The following CCDC195 variants were observed in gnomAD, a reference collection of about 807,000 sequenced individuals.
CCDC195 encodes the protein coiled-coil domain containing 195.
At chr2:224,710,832 G>A (rs979032673) in intron 1 of CCDC195, among the ~76,000 whole-genome samples, 1 of 152,132 alleles carries the variant, frequency 6.6e-6, no homozygotes, top group Non-Finnish European at 1.5e-5. Context: ...ATACATTCTA[G>A]GAAGGCAAAT....
intron 2 of CCDC195, among the ~76,000 whole-genome samples, chr2:224,705,173 C>T (rs1574755030): frequency 6.6e-6 from 1 of 152,200 alleles, no homozygotes; most frequent in South Asian, 2.1e-4. Context: ...GAATTTTGGC[C>T]ATCTGATTCT....
At chr2:224,709,031 C>T (rs1232353654) in intron 2 of CCDC195, among the ~76,000 whole-genome samples, 1 of 151,590 alleles carries the variant, frequency 6.6e-6, no homozygotes, top group Non-Finnish European at 1.5e-5. Context: ...CAAGTTTCCT[C>T]TAACAGACCC....
At chr2:224,709,508 T>TAACG (rs1689282937) in intron 2 of CCDC195, among the ~76,000 whole-genome samples, 1 of 152,238 alleles carries the variant, frequency 6.6e-6, no homozygotes. Context: ...CAATTTCCCC[T>TAACG]AACGCCCACT....
intron 2 of CCDC195, among the ~76,000 whole-genome samples, chr2:224,708,940 G>C (rs2124850044): frequency 6.6e-6 from 1 of 152,248 alleles, no homozygotes; most frequent in Middle Eastern, 3.4e-3. Flanking sequence ...AGAGGGGGCA[G>C]TGCATGCTCC....
chr2:224,710,593 A>G (rs1244923300), intron 1 of CCDC195, among the ~76,000 whole-genome samples: 2 of 152,210 alleles, frequency 1.3e-5, no homozygotes, highest in African/African-American at 4.8e-5. Context: ...AGCCAAGATC[A>G]TGCCACTGCA....
At chr2:224,714,074 A>G (rs1015560858) in intron 1 of CCDC195, among the ~76,000 whole-genome samples, 1 of 152,052 alleles carries the variant, frequency 6.6e-6, no homozygotes, top group African/African-American at 2.4e-5. Flanking sequence ...TCCTGTCCTT[A>G]AGTGATCCTC....
intron 2 of CCDC195, among the ~76,000 whole-genome samples, chr2:224,705,727 C>G (rs1315680927): frequency 6.6e-6 from 1 of 152,158 alleles, no homozygotes; most frequent in Non-Finnish European, 1.5e-5. Flanking sequence ...AATTCCTACT[C>G]AATAGTTCTA....
intron 1 of CCDC195, among the ~76,000 whole-genome samples, chr2:224,711,234 G>A (rs1032617958): frequency 3.3e-5 from 5 of 152,166 alleles, no homozygotes; most frequent in Admixed American, 6.5e-5. Context: ...GCATGGTGTG[G>A]GAAATTGGAG....
At chr2:224,711,026 G>C (rs193149463) in intron 1 of CCDC195, among the ~76,000 whole-genome samples, 1 of 152,300 alleles carries the variant, frequency 6.6e-6, no homozygotes, top group East Asian at 1.9e-4. Flanking sequence ...GCCAATTCTT[G>C]ATGGCCTTCT....
At chr2:224,707,948 C>G (rs1046292100) in intron 2 of CCDC195, among the ~76,000 whole-genome samples, 3 of 146,522 alleles carry the variant, frequency 2.0e-5, no homozygotes, top group African/African-American at 7.7e-5. Flanking sequence ...TTCTTTTCTT[C>G]TCTTTACCTC....
intron 1 of CCDC195, among the ~76,000 whole-genome samples, chr2:224,710,893 G>A (rs1689312294): frequency 6.6e-6 from 1 of 152,172 alleles, no homozygotes; most frequent in Non-Finnish European, 1.5e-5. Context: ...GGTGTTCGGA[G>A]GCTATTTCAA....
intron 1 of CCDC195, among the ~76,000 whole-genome samples, chr2:224,710,627 AAAC>A (rs1689307640): frequency 6.6e-6 from 1 of 152,210 alleles, no homozygotes; most frequent in Non-Finnish European, 1.5e-5. Context: ...GACAAGAGGG[AAAC>A]TTCGTCTCAA....
rs114524621 is a variant in CCDC195, at chr2:224,710,368, C to T, written c.236-149G>A. The T allele has an allele frequency of 6.0e-3, 2,321 of 389,514 alleles. 44 individuals carry two copies. The highest frequency in any genetic ancestry group is 0.044 in the African/African-American group (2,114 of 48,508). The allele number at this position is 389,514 out of a possible 1,614,324, so 24.1% of individuals were successfully genotyped here. ...CATAAAAGATATCCATTTGGCCTGG[C>T]GCGGTGGCTCACACCTGTAATCCCA... is the stretch of plus-strand genomic sequence containing the variant. On this transcript the variant is annotated intron_variant, in intron 1 of 2. Transcript: ENST00000638102.
chr2:224,712,017 G>A (rs934178169), intron 1 of CCDC195, among the ~76,000 whole-genome samples: 6 of 152,148 alleles, frequency 3.9e-5, no homozygotes, highest in Non-Finnish European at 5.9e-5. Context: ...ACAATCCCTT[G>A]ATACTGAATC....
intron 1 of CCDC195, among the ~76,000 whole-genome samples, chr2:224,714,883 G>A (rs1011854468): frequency 1.3e-4 from 20 of 152,034 alleles, no homozygotes; most frequent in African/African-American, 4.3e-4. Context: ...GAACCAACCG[G>A]CAAATATGAC....
At chr2:224,708,564 A>G (rs1689258865) in intron 2 of CCDC195, among the ~76,000 whole-genome samples, 1 of 152,174 alleles carries the variant, frequency 6.6e-6, no homozygotes, top group Non-Finnish European at 1.5e-5. Flanking sequence ...ACCTTCTGCA[A>G]GGGAAACACA....
At chr2:224,711,040 T>A (rs1319837303) in intron 1 of CCDC195, among the ~76,000 whole-genome samples, 1 of 152,204 alleles carries the variant, frequency 6.6e-6, no homozygotes, top group Non-Finnish European at 1.5e-5. Context: ...GCCTTCTTAC[T>A]CCTGATTCTA....
chr2:224,706,189 C>CTTT (rs201012911), intron 2 of CCDC195, among the ~76,000 whole-genome samples: 866 of 33,356 alleles, frequency 0.026, 323 homozygotes, highest in East Asian at 0.06. Flanking sequence ...TATTTTGTAA[C>CTTT]TTTTTTTTTT....
intron 1 of CCDC195, among the ~76,000 whole-genome samples, chr2:224,714,119 C>T (rs1388171442): frequency 6.6e-6 from 1 of 152,192 alleles, no homozygotes; most frequent in Admixed American, 6.5e-5. Flanking sequence ...GGATTACAGG[C>T]ATGAGCCACC....
Sources: allele counts gnomAD v4.1 joint callset (sites outside exome capture counted in the v4.1 genomes callset), GRCh38; gene constraint gnomAD v4.1.1; transcripts MANE v1.5; gene names NCBI Gene and HGNC (gene_info 2026-07-23, HGNC 2026-07-21).